USP16: variants seen among roughly 807,000 people sequenced by gnomAD.
The protein encoded by USP16 is ubiquitin specific peptidase 16, also known as ubiquitin carboxyl-terminal hydrolase 16.
In USP16, 77 loss-of-function variants were observed where a neutral mutation model predicts 95.9. The ratio of observed to expected loss-of-function variants is 0.80; its 90% CI spans 0.67 to 0.97. The LOEUF (loss-of-function observed/expected upper bound fraction) is 0.97, where lower values mean the gene tolerates loss of function less well. Among genes scored for constraint, USP16 ranks in the 50% least tolerant of loss-of-function variants. USP16 has a pLI of 0.00. For missense variants in USP16, 943 were observed against 959.9 expected (o/e 0.98, Z 0.23); for synonymous variants, 303 against 318.2 (o/e 0.95, Z 0.51).
chr21:29,037,198 A>T, intron 5 of USP16, 78 bp from the exon 6 acceptor site: 1 of 931,010 alleles, frequency 1.1e-6, no homozygotes, highest in Non-Finnish European at 1.5e-6. Context: ...CACAAACTCT[A>T]GTACTGTTTC....
chr21:29,046,040 T>C (rs2085317908), intron 13 of USP16, among the ~76,000 whole-genome samples: 1 of 152,178 alleles, frequency 6.6e-6, no homozygotes, highest in African/African-American at 2.4e-5. Context: ...GCCAGGCTGG[T>C]TTCAAACTCC....
intron 4 of USP16, among the ~76,000 whole-genome samples, chr21:29,035,796 G>A (rs900788931): frequency 2.0e-5 from 3 of 152,034 alleles, no homozygotes; most frequent in African/African-American, 7.2e-5. Flanking sequence ...GTGGGTGCCT[G>A]TAGTCCCAGC....
chr21:29,039,218 T>C, intron 8 of USP16, 62 bp downstream of exon 8: 1 of 1,287,334 alleles, frequency 7.8e-7, no homozygotes, highest in East Asian at 3.1e-5. Flanking sequence ...ATAATATTAA[T>C]ATTAAATAGT....
chr21:29,037,410 G>A lies in USP16; in HGVS notation c.583G>A (p.Val195Met), dbSNP rs199586396. Residue 195 changes from valine (V) to methionine (M), a missense_variant, in exon 6 of 18, where the codon GTG (valine) becomes ATG (methionine). By Grantham distance (21) the Val-to-Met change is conservative. Coordinates refer to ENST00000399976, the MANE Select transcript of USP16 (RefSeq NM_006447.3). ...PPMNSPCQITVKGLSNLGNTC... is the reference protein window; with the variant it reads ...PPMNSPCQITMKGLSNLGNTC... ...CATGAATTCTCCTTGCCAAATAACC[G>A]TGAAAGGACTCAGTAATTTGGGAAA... 163 of 1,605,374 alleles carry A rather than the reference G, an allele frequency of 1.0e-4. No individual in the cohort carries two copies. The highest frequency in any genetic ancestry group is 3.3e-4 in the Middle Eastern group (2 of 6,048).
rs555861398 is a variant in USP16, at chr21:29,043,836, T to C, written c.1356+237T>C. Among the ~76,000 whole-genome samples, 263 of 152,326 alleles carry C rather than the reference T, an allele frequency of 1.7e-3. 2 individuals are homozygous for C. The highest frequency in any genetic ancestry group is 5.9e-3 in the African/African-American group (247 of 41,562). ...CTGCATTGCTTGTAACAAGTATTTG[T>C]AGTAAGTTTAATTAACTTAATTTTC... On this transcript the variant is annotated intron_variant, in intron 13 of 17. Transcript: ENST00000399976.
intron 1 of USP16, 133 bp from the exon 2 acceptor site, chr21:29,027,740 A>G: frequency 1.5e-6 from 1 of 673,832 alleles, no homozygotes; most frequent in African/African-American, 1.8e-5. Context: ...AGATGATTAT[A>G]TGTGATTGGT....
chr21:29,038,342 C>G lies in USP16; in HGVS notation c.644C>G (p.Ser215Ter). The G allele has an allele frequency of 1.2e-6, 2 of 1,604,724 alleles. No homozygotes were observed. The highest frequency in any genetic ancestry group is 1.7e-6 in the Non-Finnish European group (2 of 1,174,984). ...TTTCACCCTACATTCTAGAACTTGT[C>G]ACAAACACCAGTGCTTAGAGAACTA... ...CFFNAVMQNL[S>*]QTPVLRELLK... The change falls in exon 7 of 18, where the codon TCA becomes TGA. Residue 215 changes from serine (S) to a stop codon, truncating the protein, a stop_gained. Coordinates refer to ENST00000399976, the MANE Select transcript of USP16 (RefSeq NM_006447.3). LOFTEE classifies it high-confidence loss of function.
At chr21:29,037,577 A>G (rs897934292) in intron 6 of USP16, 114 bp downstream of exon 6, 9 of 742,648 alleles carry the variant, frequency 1.2e-5, no homozygotes, top group Admixed American at 4.3e-5. Flanking sequence ...ATCCAAAGAA[A>G]ACTTTTTTTT....
chr21:29,029,352 G>T (rs1449147766), intron 2 of USP16, among the ~76,000 whole-genome samples: 2 of 152,208 alleles, frequency 1.3e-5, no homozygotes, highest in South Asian at 2.1e-4. Flanking sequence ...GGCGGAGCTT[G>T]CAGTGAGCCG....
chr21:29,051,737 A>G (rs1006562072), intron 16 of USP16, among the ~76,000 whole-genome samples: 6 of 152,088 alleles, frequency 3.9e-5, no homozygotes, highest in African/African-American at 1.4e-4. Flanking sequence ...AGGCTGAGGC[A>G]GGAGAATTGC....
In USP16 at chr21:29,054,338, A is replaced by C; in HGVS notation, c.*151A>C. The C allele has an allele frequency of 9.8e-7, 1 of 1,024,354 alleles. No homozygotes were observed. The highest frequency in any genetic ancestry group is 2.6e-5 in the East Asian group (1 of 37,962). The allele number at this position is 1,024,354 out of a possible 1,614,324, so 63.5% of individuals were successfully genotyped here. ...TTATTTAAATATTGAAGGGAAAAAT[A>C]CCTAAAAATGTACAAAGGTTTTATA... On this transcript the variant is annotated 3_prime_UTR_variant, in exon 18 of 18. Coordinates refer to ENST00000399976, the MANE Select transcript of USP16 (RefSeq NM_006447.3).
chr21:29,026,673 C>T (rs2084996604), intron 1 of USP16: 1 of 151,644 alleles, frequency 6.6e-6, no homozygotes, highest in Non-Finnish European at 1.5e-5. Flanking sequence ...TGAGCCACCG[C>T]ACCCAGACAA....
intron 14 of USP16, 52 bp from the exon 15 acceptor site, chr21:29,048,709 T>C (rs2085367652): frequency 7.1e-7 from 1 of 1,400,564 alleles, no homozygotes; most frequent in Admixed American, 1.7e-5. Context: ...TCTGAATGCT[T>C]TAGGGGTCTA....
Position 29,054,137 on chromosome 21 carries a change from A to G in USP16, c.2422A>G (p.Lys808Glu), listed in dbSNP as rs748487844. Residue 808 changes from lysine to glutamate, a missense_variant, in exon 18 of 18, where the codon AAA (lysine) becomes GAA (glutamate). Transcript: ENST00000399976. The part of the protein sequence containing the change: ...DTHVQAVPTT[K>E]VLNSQAYLLF... ...ACATGTGCAAGCTGTGCCTACAACT[A>G]AAGTACTAAACTCACAAGCGTACCT... The G allele has an allele frequency of 6.2e-6, 10 of 1,614,254 alleles. No homozygotes were observed. Among genetic ancestry groups the G allele is most frequent in the East Asian group, 2.2e-5 (1 of 44,890 alleles).
At chr21:29,043,633 AT>A (rs769857355) in intron 13 of USP16, 34 bp downstream of exon 13, 2 of 1,475,282 alleles carry the variant, frequency 1.4e-6, no homozygotes, top group South Asian at 1.6e-5. Flanking sequence ...TATGCTTGTA[AT>A]TTTATATTTT....
chr21:29,031,503 A>G (rs544081750), intron 3 of USP16, among the ~76,000 whole-genome samples: 5 of 152,286 alleles, frequency 3.3e-5, no homozygotes, highest in African/African-American at 1.2e-4. Context: ...CAGTGGCACA[A>G]TCTTGGCTCA....
chr21:29,036,497 A>G, intron 5 of USP16, 123 bp downstream of exon 5: 2 of 881,030 alleles, frequency 2.3e-6, no homozygotes. Context: ...TTGATTGCAA[A>G]CTATGAAACT....
At position 29,053,938 on chromosome 21, in the gene USP16, T is replaced by C. The variant is rs1011529718; in HGVS notation, c.2330T>C (p.Leu777Pro). Residue 777 changes from leucine (L) to proline (P), a missense_variant, in exon 17 of 18, where the codon CTT becomes CCT. Coordinates refer to ENST00000399976, the MANE Select transcript of USP16 (RefSeq NM_006447.3). ...AATAGTCATCTCTCTAATCTTGTTCTTCACGGTGATATTCCACAAGGTAAG... is the reference window on the plus strand; with the variant it reads ...AATAGTCATCTCTCTAATCTTGTTCCTCACGGTGATATTCCACAAGGTAAG... ...TANSHLSNLV[L>P]HGDIPQDFEM... 3 of 1,614,232 alleles carry C rather than the reference T, an allele frequency of 1.9e-6. No homozygotes were observed. Among genetic ancestry groups the C allele is most frequent in the African/African-American group, 2.7e-5 (2 of 75,074 alleles).
intron 2 of USP16, among the ~76,000 whole-genome samples, chr21:29,029,361 C>T (rs578153582): frequency 2.6e-5 from 4 of 152,088 alleles, no homozygotes; most frequent in South Asian, 2.1e-4. Context: ...TGCAGTGAGC[C>T]GAGATTGTGC....
Sources: allele counts gnomAD v4.1 joint callset (sites outside exome capture counted in the v4.1 genomes callset), GRCh38; gene constraint gnomAD v4.1.1; transcripts MANE v1.5; gene names NCBI Gene and HGNC (gene_info 2026-07-23, HGNC 2026-07-21).